The following PARG variants were observed in gnomAD, a reference collection of about 807,000 sequenced individuals.
PARG encodes poly(ADP-ribose) glycohydrolase, also known as mitochondrial poly(ADP-ribose) glycohydrolase.
A neutral mutation model predicts 113.0 loss-of-function variants in PARG; 35 were observed. The observed-to-expected ratio is 0.31, with a 90% CI of 0.24 to 0.41. The LOEUF (loss-of-function observed/expected upper bound fraction) is 0.41, where lower values mean the gene tolerates loss of function less well. Ranked by LOEUF, PARG falls within the 10% of genes least tolerant of loss-of-function variation. The probability of loss-of-function intolerance (pLI) is 1.00; values close to 1 mark genes in which losing one functional copy is unlikely to be tolerated. For synonymous variants in PARG, 330 were observed against 409.9 expected (o/e 0.81, Z 2.36); for missense variants, 797 against 1,169.4 (o/e 0.68, Z 4.64).
intron 13 of PARG, among the ~76,000 whole-genome samples, chr10:49,845,028 T>C (rs1445611732): frequency 1.3e-5 from 2 of 151,686 alleles, no homozygotes; most frequent in Non-Finnish European, 2.9e-5. Context: ...ATCAGAGAAA[T>C]GCAAATAAAA....
At chr10:49,824,363 G>A (rs1395327844) in intron 16 of PARG, among the ~76,000 whole-genome samples, 14 of 152,122 alleles carry the variant, frequency 9.2e-5, no homozygotes, top group African/African-American at 3.4e-4. Flanking sequence ...AAAGTTAGAA[G>A]AGAATAAATC....
intron 8 of PARG, among the ~76,000 whole-genome samples, chr10:49,884,471 C>G (rs1161083283): frequency 9.2e-5 from 14 of 152,122 alleles, no homozygotes; most frequent in Non-Finnish European, 1.8e-4. Flanking sequence ...TGGTGGCGCA[C>G]GCCTGTAATC....
chr10:49,923,263 T>C (rs555975747), intron 4 of PARG, among the ~76,000 whole-genome samples: 1 of 152,302 alleles, frequency 6.6e-6, no homozygotes, highest in East Asian at 1.9e-4. Flanking sequence ...ATTTTCATTA[T>C]CTTTATGAAG....
chr10:49,940,611 G>A (rs1441134926), intron 1 of PARG, among the ~76,000 whole-genome samples: 1 of 152,060 alleles, frequency 6.6e-6, no homozygotes, highest in African/African-American at 2.4e-5. Context: ...TCCGCCTCCC[G>A]GATGCCAGCG....
rs543856147 is a variant in PARG at position 49,856,578 on chromosome 10, T to C, written c.2353+728A>G. ...TCCTGTGCTTCTTATATTTACACAATGTCTTCATACTAAAGTACAAGAAAC... is the reference window on the plus strand; with the variant it reads ...TCCTGTGCTTCTTATATTTACACAACGTCTTCATACTAAAGTACAAGAAAC... On this transcript the variant is annotated intron_variant, in intron 13 of 17. Transcript: ENST00000616448. Among the ~76,000 whole-genome samples, 43 of 152,360 alleles carry C rather than the reference T, an allele frequency of 2.8e-4. No individual in the cohort carries two copies. In the East Asian group the frequency reaches 7.9e-3, roughly 28 times the overall value.
At chr10:49,848,793 C>T (rs1296489400) in intron 13 of PARG, among the ~76,000 whole-genome samples, 1 of 152,010 alleles carries the variant, frequency 6.6e-6, no homozygotes, top group Admixed American at 6.6e-5. Context: ...ACAACAGCAA[C>T]AAAATTATGA....
intron 7 of PARG, among the ~76,000 whole-genome samples, chr10:49,904,726 G>A (rs1167419494): frequency 6.6e-6 from 1 of 151,912 alleles, no homozygotes; most frequent in Non-Finnish European, 1.5e-5. Flanking sequence ...GACCAGCCTG[G>A]CCAACATGGT....
chr10:49,941,841 C>T lies in PARG; in HGVS notation c.-116G>A. Reference sequence around the variant, plus strand: ...AGCGCCTGCCTGCACCATTCCCTCTCTGCCGCTGCCTGCTTCTGCAATTGC... The same window carrying T: ...AGCGCCTGCCTGCACCATTCCCTCTTTGCCGCTGCCTGCTTCTGCAATTGC... On this transcript the variant is annotated 5_prime_UTR_variant, in exon 1 of 18. Transcript: ENST00000616448. 2.0e-6 allele frequency: 3 copies of T among 1,521,346 alleles called. No homozygotes were observed. In the Admixed American group the frequency reaches 5.9e-5, roughly 30 times the overall value. 94.2% of individuals were successfully genotyped at this position (1,521,346 alleles called of 1,614,324 possible).
chr10:49,906,617 G>GT (rs548931362), intron 7 of PARG, among the ~76,000 whole-genome samples: 667 of 152,000 alleles, frequency 4.4e-3, no homozygotes, highest in East Asian at 0.018. Context: ...TTCTTCATTT[G>GT]TAAAACAGAA....
chr10:49,894,953 T>A (rs1277355720), intron 7 of PARG, among the ~76,000 whole-genome samples: 1 of 152,048 alleles, frequency 6.6e-6, no homozygotes, highest in African/African-American at 2.4e-5. Flanking sequence ...ATCCTTGGGG[T>A]TCCTTGGCAT....
chr10:49,934,920 T>G (rs1838676460), intron 2 of PARG, among the ~76,000 whole-genome samples, 156 bp downstream of exon 2: 1 of 151,390 alleles, frequency 6.6e-6, no homozygotes, highest in Non-Finnish European at 1.5e-5. Context: ...GTCCCTGGCA[T>G]ACAGGACTCT....
At chr10:49,908,370 T>A (rs1212626539) in intron 7 of PARG, 28 of 152,142 alleles carry the variant, frequency 1.8e-4, no homozygotes, top group Admixed American at 1.7e-3. Context: ...AATTGATCTG[T>A]TTCAATATTT....
At position 49,828,007 on chromosome 10, in the gene PARG, C is replaced by T. The variant is rs117035899; in HGVS notation, c.2647+4796G>A. On this transcript the variant is annotated intron_variant, in intron 16 of 17. Transcript: ENST00000616448. ...TTTAAGTTATCTCCTAAAATTCTCA[C>T]GGGTGCCTAGGGTCTGGTGGTACAT... 5.2e-3 allele frequency among the ~76,000 whole-genome samples: 725 copies of T among 139,144 alleles called. 5 individuals carry two copies. The highest frequency in any genetic ancestry group is 7.6e-3 in the Non-Finnish European group (497 of 65,182). The allele number at this position is 139,144 out of a possible 152,430, so 91.3% of individuals were successfully genotyped here.
intron 6 of PARG, among the ~76,000 whole-genome samples, chr10:49,917,726 G>A (rs1199434884): frequency 3.3e-4 from 49 of 149,956 alleles, no homozygotes; most frequent in Non-Finnish European, 6.2e-4. Context: ...GCTGAGATGG[G>A]AGGATCGCTT....
At chr10:49,843,674 G>A in intron 13 of PARG, 42 bp from the exon 14 acceptor site, 1 of 1,267,946 alleles carries the variant, frequency 7.9e-7, no homozygotes. Context: ...ACACTTGATG[G>A]CAAAAACATT....
intron 16 of PARG, among the ~76,000 whole-genome samples, chr10:49,820,722 CA>C (rs35420602): frequency 0.052 from 6,423 of 124,358 alleles, 189 homozygotes; most frequent in African/African-American, 0.1. Context: ...GACTCCATCT[CA>C]AAAAAAAAAA....
chr10:49,885,304 CAATAA>C lies in PARG; in HGVS notation c.1738-14_1738-10del, dbSNP rs1350506903. The C allele has an allele frequency of 2.0e-6, 3 of 1,537,796 alleles. No homozygotes were observed. In the African/African-American group the frequency reaches 4.1e-5, roughly 21 times the overall value. ...TCTGCTTCTTCAAGTACCTGAAAAC[CAATAA>C]AATAAGTTATGTGAATAACAATAAC... On this transcript the variant is annotated splice_polypyrimidine_tract_variant and intron_variant, in intron 7 of 17. Transcript: ENST00000616448.
Position 49,934,002 on chromosome 10 carries a change from T to C in PARG, c.446A>G (p.His149Arg). 2 of 1,609,104 alleles carry C rather than the reference T, an allele frequency of 1.2e-6. No individual in the cohort carries two copies. The highest frequency in any genetic ancestry group is 1.7e-6 in the Non-Finnish European group (2 of 1,175,396). The part of the protein sequence containing the change: ...TEKSTQYLNQ[H>R]QTAAMCKWQN... ...CCACTTACACATTGCTGCAGTCTGA[T>C]GCTGGTTCAAATACTGTGTACTTTT... Residue 149 changes from histidine (H) to arginine (R), a missense_variant, in exon 3 of 18, where the codon CAT (histidine) becomes CGT (arginine). Physicochemically the swap from His to Arg is conservative, Grantham distance 29 (BLOSUM62 0). Transcript: ENST00000616448.
intron 7 of PARG, among the ~76,000 whole-genome samples, chr10:49,895,411 T>C (rs1201087491): frequency 2.0e-5 from 3 of 151,968 alleles, no homozygotes; most frequent in Non-Finnish European, 2.9e-5. Flanking sequence ...CTGATATCTT[T>C]TTTTTTTTTG....
Sources: allele counts gnomAD v4.1 joint callset (sites outside exome capture counted in the v4.1 genomes callset), GRCh38; gene constraint gnomAD v4.1.1; transcripts MANE v1.5; gene names NCBI Gene and HGNC (gene_info 2026-07-23, HGNC 2026-07-21).